Variants in STAC observed in about 807,000 individuals in gnomAD.
STAC encodes SH3 and cysteine rich domain, also known as SH3 and cysteine-rich domain-containing protein.
A neutral mutation model predicts 48.8 loss-of-function variants in STAC; 43 were observed. The observed-to-expected ratio is 0.88, with a 90% CI of 0.69 to 1.14. The LOEUF is 1.14. Ranked by LOEUF, STAC falls within the 50% of genes most tolerant of loss-of-function variation. STAC has a pLI of 0.00. For missense variants in STAC, 497 were observed against 504.0 expected, an observed-to-expected ratio of 0.99 and a Z score of 0.13; for synonymous variants, 193 against 179.5, an observed-to-expected ratio of 1.07 and a Z score of -0.60.
intron 2 of STAC, among the ~76,000 whole-genome samples, chr3:36,479,652 A>G (rs887197932): frequency 2.6e-5 from 4 of 152,224 alleles, no homozygotes; most frequent in African/African-American, 9.6e-5. Context: ...AGTAGGTAGT[A>G]CTAGTCCCAT....
intron 10 of STAC, among the ~76,000 whole-genome samples, chr3:36,530,121 G>A (rs1165117867): frequency 6.6e-6 from 1 of 152,104 alleles, no homozygotes; most frequent in Non-Finnish European, 1.5e-5. Context: ...ATTAGTGGAG[G>A]ATTTGGGGAA....
chr3:36,433,999 CTG>C (rs969828753), intron 1 of STAC, among the ~76,000 whole-genome samples: 4 of 152,176 alleles, frequency 2.6e-5, no homozygotes, highest in Non-Finnish European at 4.4e-5. Context: ...AGAAATCAAG[CTG>C]TGAGTGGGGT....
chr3:36,380,804 T>G, intron 1 of STAC, 50 bp downstream of exon 1: 5 of 1,438,272 alleles, frequency 3.5e-6, no homozygotes, highest in Non-Finnish European at 4.8e-6. Context: ...TCTCCTCTCC[T>G]GTCGGTCCAG....
intron 8 of STAC, among the ~76,000 whole-genome samples, chr3:36,525,895 T>C (rs1698920764): frequency 6.6e-6 from 1 of 152,222 alleles, no homozygotes; most frequent in Non-Finnish European, 1.5e-5. Flanking sequence ...TAACTGAGAA[T>C]TGAAAATGAC....
intron 1 of STAC, among the ~76,000 whole-genome samples, chr3:36,431,186 G>A (rs1390903389): frequency 6.6e-6 from 1 of 151,774 alleles, no homozygotes; most frequent in Non-Finnish European, 1.5e-5. Context: ...GCTCTCAACA[G>A]TTTTTCTACC....
chr3:36,387,415 C>T (rs1212843983), intron 1 of STAC, among the ~76,000 whole-genome samples: 1 of 152,026 alleles, frequency 6.6e-6, no homozygotes, highest in East Asian at 1.9e-4. Context: ...CCATAACCAC[C>T]ACTCATCTCC....
At position 36,380,633 on chromosome 3, in the gene STAC, G is replaced by A. The variant is rs751447174; in HGVS notation, c.-11G>A. 2 of 1,572,852 alleles carry A rather than the reference G, an allele frequency of 1.3e-6. No homozygotes were observed. Among genetic ancestry groups the A allele is most frequent in the South Asian group, 1.2e-5 (1 of 86,132 alleles). On this transcript the variant is annotated 5_prime_UTR_variant, in exon 1 of 11. Coordinates refer to ENST00000273183, the MANE Select transcript of STAC (RefSeq NM_003149.3). ...CCTCCGGGAGCCCAACACCGTTCCC[G>A]CGCGGCCACGATGATCCCTCCGAGC...
intron 8 of STAC, among the ~76,000 whole-genome samples, chr3:36,521,570 A>G (rs1054035248): frequency 6.6e-6 from 1 of 152,138 alleles, no homozygotes; most frequent in African/African-American, 2.4e-5. Flanking sequence ...GACAGTATGA[A>G]GAGAGGGAGA....
At chr3:36,432,603 G>A (rs1035393101) in intron 1 of STAC, among the ~76,000 whole-genome samples, 3 of 151,986 alleles carry the variant, frequency 2.0e-5, no homozygotes, top group Middle Eastern at 3.2e-3. Flanking sequence ...TCGGGAGGCC[G>A]AGGCAGGGCA....
chr3:36,401,061 C>T (rs1472728052), intron 1 of STAC, among the ~76,000 whole-genome samples: 1 of 152,140 alleles, frequency 6.6e-6, no homozygotes, highest in Non-Finnish European at 1.5e-5. Context: ...CTGAGATTAG[C>T]TCACTGAAAC....
intron 1 of STAC, among the ~76,000 whole-genome samples, chr3:36,440,038 AC>A (rs1696295436): frequency 6.6e-6 from 1 of 152,098 alleles, no homozygotes. Context: ...ACTCTTTCTG[AC>A]CTTTCTGCAG....
intron 8 of STAC, among the ~76,000 whole-genome samples, chr3:36,526,257 T>C (rs1054493626): frequency 1.8e-4 from 27 of 151,358 alleles, no homozygotes; most frequent in African/African-American, 5.9e-4. Flanking sequence ...TCACCCCCCC[T>C]CCCCATATTC....
intron 1 of STAC, among the ~76,000 whole-genome samples, chr3:36,393,135 C>T (rs529558854): frequency 7.9e-5 from 12 of 152,298 alleles, no homozygotes; most frequent in African/African-American, 2.9e-4. Flanking sequence ...TCTCTTTAGC[C>T]TTTCTATTCC....
chr3:36,523,473 A>G (rs946965427), intron 8 of STAC, among the ~76,000 whole-genome samples: 5 of 152,268 alleles, frequency 3.3e-5, no homozygotes, highest in African/African-American at 9.6e-5. Flanking sequence ...CTCTGATTGA[A>G]CTAAGCAAAG....
At chr3:36,441,568 G>A (rs1386625518) in intron 1 of STAC, among the ~76,000 whole-genome samples, 1 of 152,168 alleles carries the variant, frequency 6.6e-6, no homozygotes, top group Non-Finnish European at 1.5e-5. Flanking sequence ...GGGTGCAGAT[G>A]TCTCCTCAGT....
intron 2 of STAC, among the ~76,000 whole-genome samples, chr3:36,478,568 C>T (rs1426610687): frequency 6.6e-6 from 1 of 152,152 alleles, no homozygotes; most frequent in East Asian, 1.9e-4. Flanking sequence ...AATCTCAGCT[C>T]ACTGCAGCCT....
chr3:36,460,000 G>C (rs1489772788), intron 2 of STAC, among the ~76,000 whole-genome samples: 1 of 152,122 alleles, frequency 6.6e-6, no homozygotes, highest in Non-Finnish European at 1.5e-5. Flanking sequence ...AGTGTATGCA[G>C]TCTCTACTTG....
intron 2 of STAC, among the ~76,000 whole-genome samples, chr3:36,480,777 G>A (rs774323629): frequency 2.6e-5 from 4 of 152,070 alleles, no homozygotes; most frequent in South Asian, 2.1e-4. Context: ...CAACTTCCAC[G>A]AATTATCTCA....
chr3:36,382,113 T>G (rs1699522510), intron 1 of STAC, among the ~76,000 whole-genome samples: 1 of 152,224 alleles, frequency 6.6e-6, no homozygotes, highest in South Asian at 2.1e-4. Flanking sequence ...CAAAGCAATC[T>G]GATAACCCAT....
Sources: gnomAD v4.1 joint callset for allele counts (sites outside exome capture counted in the v4.1 genomes callset) on GRCh38, gnomAD v4.1.1 for gene constraint, MANE v1.5 for transcripts, NCBI Gene and HGNC (gene_info 2026-07-23, HGNC 2026-07-21) for gene names.